RBBP4: variants seen among roughly 807,000 people sequenced by gnomAD.
The protein encoded by RBBP4 is RB binding protein 4, chromatin remodeling factor, also known as histone-binding protein RBBP4.
Under a neutral mutation model 57.2 loss-of-function variants are expected in RBBP4, and 3 were observed. The observed-to-expected ratio is 0.05, with a 90% CI of 0.02 to 0.14. The LOEUF (loss-of-function observed/expected upper bound fraction) is 0.14. Ranked by LOEUF, RBBP4 falls within the 10% of genes least tolerant of loss-of-function variation. RBBP4 has a pLI of 1.00. For missense variants in RBBP4, 107 were observed against 520.6 expected (o/e 0.21, Z 7.73); for synonymous variants, 151 against 171.5 (o/e 0.88, Z 0.93).
chr1:32,676,014 C>T (rs1040181816), intron 11 of RBBP4, among the ~76,000 whole-genome samples: 4 of 150,240 alleles, frequency 2.7e-5, no homozygotes, highest in African/African-American at 7.4e-5. Flanking sequence ...TTGAATCCAG[C>T]GGGTAGAGGC....
Position 32,682,039 on chromosome 1 carries a change from G to T in RBBP4, c.*2334G>T. On this transcript the variant is annotated 3_prime_UTR_variant, in exon 12 of 12. Transcript: ENST00000373493. The stretch of plus-strand genomic sequence containing the variant: ...GAATGAATGGTGATGGTGATGGGAG[G>T]GATAGTTAAACGTTTTCTCTGCTAG... 2 of 585,550 alleles carry T rather than the reference G, an allele frequency of 3.4e-6. No individual in the cohort carries two copies. Among genetic ancestry groups the T allele is most frequent in the South Asian group, 2.2e-5 (1 of 45,954 alleles). The allele number at this position is 585,550 out of a possible 1,614,324, so 36.3% of individuals were successfully genotyped here. A position where few individuals can be genotyped will look rare whatever the true frequency, so the allele number is the denominator to read the frequency against.
At chr1:32,672,954 C>A in intron 11 of RBBP4, 53 bp downstream of exon 11, 1 of 1,363,374 alleles carries the variant, frequency 7.3e-7, no homozygotes, top group Non-Finnish European at 1.0e-6. Context: ...GACATAGAAT[C>A]AATTTACATT....
rs774360103 is a variant in RBBP4 at position 32,679,780 on chromosome 1, T to G, written c.*75T>G. 1 of 1,588,672 alleles carries G rather than the reference T, an allele frequency of 6.3e-7. No homozygotes were observed. The highest frequency in any genetic ancestry group is 1.4e-5 in the African/African-American group (1 of 73,914). On this transcript the variant is annotated 3_prime_UTR_variant, in exon 12 of 12. Transcript: ENST00000373493. ...CCTGAGAGTGATTTAACACTGGTTT[T>G]GAGACAGACTTTATTCAGCTATCCC...
chr1:32,662,654 G>T (rs941076895), intron 3 of RBBP4, among the ~76,000 whole-genome samples: 1 of 151,898 alleles, frequency 6.6e-6, no homozygotes, highest in Admixed American at 6.6e-5. Context: ...GATTATAGGC[G>T]TGAGCCACCA....
In RBBP4 at chr1:32,671,619, G is replaced by A. The variant is rs550035373; in HGVS notation, c.967-831G>A. Among the ~76,000 whole-genome samples the A allele has an allele frequency of 2.0e-5, 3 of 152,014 alleles. No individual in the cohort carries two copies. The East Asian group carries it at 5.8e-4, about 30-fold the overall frequency. Reference sequence around the variant, plus strand: ...ATGGCACACACCTCCAGCTACGCAGGAGGTTGAGGCAGCGAGATCCCTTGA... The same window carrying A: ...ATGGCACACACCTCCAGCTACGCAGAAGGTTGAGGCAGCGAGATCCCTTGA... On this transcript the variant is annotated intron_variant, in intron 8 of 11. Transcript: ENST00000373493.
Position 32,672,104 on chromosome 1 carries a change from C to G in RBBP4, c.967-346C>G, listed in dbSNP as rs544544780. On this transcript the variant is annotated intron_variant, in intron 8 of 11. Transcript: ENST00000373493. Reference sequence around the variant, plus strand: ...TCCTGGGTTCAAGCAATCCTCCTGCCTCAGCCTCCCGAGTAGCTGGGATTA... The same window carrying G: ...TCCTGGGTTCAAGCAATCCTCCTGCGTCAGCCTCCCGAGTAGCTGGGATTA... Among the ~76,000 whole-genome samples, 4 of 152,136 alleles carry G rather than the reference C, an allele frequency of 2.6e-5. No homozygotes were observed. In the East Asian group the frequency reaches 7.8e-4, roughly 30 times the overall value.
intron 8 of RBBP4, among the ~76,000 whole-genome samples, chr1:32,671,250 G>A (rs1371320822): frequency 6.6e-6 from 1 of 152,132 alleles, no homozygotes; most frequent in Non-Finnish European, 1.5e-5. Flanking sequence ...GGTCAGAATT[G>A]GATTGCATTT....
In RBBP4 at chr1:32,669,405, T is replaced by G; in HGVS notation, c.888+48T>G. Reference sequence around the variant, plus strand: ...GAAAACATAATTTCTCTAGGTTTTTTTGAATTGCAGAGATATTTTACTTAC... The same window carrying G: ...GAAAACATAATTTCTCTAGGTTTTTGTGAATTGCAGAGATATTTTACTTAC... On this transcript the variant is annotated intron_variant, in intron 7 of 11. Transcript: ENST00000373493. The surrounding 1 kb of genome is among the most constrained non-coding windows in gnomAD (Gnocchi z 4.9). 1.3e-6 allele frequency: 2 copies of G among 1,573,588 alleles called. No homozygotes were observed. Among genetic ancestry groups the G allele is most frequent in the South Asian group, 1.2e-5 (1 of 83,644 alleles).
intron 11 of RBBP4, among the ~76,000 whole-genome samples, chr1:32,678,598 TTTTTTTTTTG>T (rs1479309582): frequency 2.6e-4 from 15 of 58,814 alleles, no homozygotes; most frequent in East Asian, 1.4e-3. Context: ...TTTTTTTTTT[TTTTTTTTTTG>T]GCACACAGTC....
intron 3 of RBBP4, 68 bp downstream of exon 3, chr1:32,657,640 G>A: frequency 6.6e-7 from 1 of 1,505,388 alleles, no homozygotes. Context: ...CTTTGATAAA[G>A]TAAACTCTGA....
chr1:32,668,644 AAGAGCTTT>A (rs1648752326), intron 4 of RBBP4, 87 bp from the exon 5 acceptor site: 2 of 992,276 alleles, frequency 2.0e-6, no homozygotes. Flanking sequence ...TATAAATGTT[AAGAGCTTT>A]AGACATCTTG....
At position 32,681,828 on chromosome 1, in the gene RBBP4, T is replaced by G. The variant is rs1649457864; in HGVS notation, c.*2123T>G. 6.2e-7 allele frequency: 1 copy of G among 1,614,172 alleles called. No individual in the cohort carries two copies. The highest frequency in any genetic ancestry group is 8.5e-7 in the Non-Finnish European group (1 of 1,180,016). The stretch of plus-strand genomic sequence containing the variant: ...TAAGAAGTTTTTTGCTGTTTCCGGG[T>G]TACAGATTTGGCCATATATTTCTAA... On this transcript the variant is annotated 3_prime_UTR_variant, in exon 12 of 12. Coordinates refer to ENST00000373493, the MANE Select transcript of RBBP4 (RefSeq NM_005610.3).
In RBBP4 at chr1:32,684,540, G is replaced by A. The variant is rs1314640462; in HGVS notation, c.*4835G>A. 6.4e-6 allele frequency: 7 copies of A among 1,090,790 alleles called. No homozygotes were observed. Among genetic ancestry groups the A allele is most frequent in the Non-Finnish European group, 6.4e-6 (5 of 784,566 alleles). The allele number at this position is 1,090,790 out of a possible 1,614,324, so 67.6% of individuals were successfully genotyped here. A position where few individuals can be genotyped will look rare whatever the true frequency, so the allele number is the denominator to read the frequency against. Reference sequence around the variant, plus strand: ...TAGGTTATGAAACAGGTTCAAAGAAGTTGTGTCTTGGAAAAAAAGTGACAA... The same window carrying A: ...TAGGTTATGAAACAGGTTCAAAGAAATTGTGTCTTGGAAAAAAAGTGACAA... On this transcript the variant is annotated 3_prime_UTR_variant, in exon 12 of 12. Transcript: ENST00000373493.
intron 3 of RBBP4, among the ~76,000 whole-genome samples, chr1:32,658,284 G>C (rs1307012973): frequency 6.6e-6 from 1 of 151,116 alleles, no homozygotes; most frequent in East Asian, 2.0e-4. Context: ...GAGGACATAG[G>C]ATATCTATGG....
intron 11 of RBBP4, among the ~76,000 whole-genome samples, chr1:32,674,448 G>A (rs543438837): frequency 6.6e-6 from 1 of 152,184 alleles, no homozygotes; most frequent in African/African-American, 2.4e-5. Context: ...TGGCCAGTCT[G>A]GTCTTGAACT....
chr1:32,668,042 T>C (rs752101097), intron 3 of RBBP4, among the ~76,000 whole-genome samples, 183 bp from the exon 4 acceptor site: 1 of 152,102 alleles, frequency 6.6e-6, no homozygotes, highest in Non-Finnish European at 1.5e-5. Context: ...TTATTAGTTA[T>C]TTAACTACCT....
At chr1:32,652,219 A>G (rs1232876564) in intron 2 of RBBP4, 158 bp downstream of exon 2, 1 of 843,998 alleles carries the variant, frequency 1.2e-6, no homozygotes, top group Non-Finnish European at 1.8e-6. Context: ...AAAATAACAA[A>G]ATGATTTTGT....
At chr1:32,655,989 T>C (rs1431365501) in intron 2 of RBBP4, among the ~76,000 whole-genome samples, 1 of 152,138 alleles carries the variant, frequency 6.6e-6, no homozygotes. Context: ...TCTAACAAGT[T>C]CCCAGATGAT....
intron 11 of RBBP4, among the ~76,000 whole-genome samples, chr1:32,675,505 C>CA (rs563319977): frequency 2.3e-3 from 346 of 151,958 alleles, no homozygotes; most frequent in African/African-American, 8.1e-3. Context: ...TGCGGTGGCT[C>CA]ACGCCTGTAC....
Sources: gnomAD v4.1 joint callset for allele counts (sites outside exome capture counted in the v4.1 genomes callset) on GRCh38, gnomAD v4.1.1 for gene constraint, Gnocchi (gnomAD v3.1) non-coding constraint, MANE v1.5 for transcripts, NCBI Gene and HGNC (gene_info 2026-07-23, HGNC 2026-07-21) for gene names.